The following MAF variants were observed in gnomAD, a reference collection of about 807,000 sequenced individuals.
The protein encoded by MAF is transcription factor Maf.
Under a neutral mutation model 22.0 loss-of-function variants are expected in MAF, and 10 were observed. The observed-to-expected ratio is 0.45, with a 90% CI of 0.28 to 0.77. The LOEUF is 0.77. Among genes scored for constraint, MAF ranks in the 30% least tolerant of loss-of-function variants. The pLI is 0.12. For missense variants in MAF, 544 were observed against 548.4 expected (o/e 0.99, Z 0.08); for synonymous variants, 337 against 255.8 (o/e 1.32, Z -3.03).
At chr16:79,532,063 G>C in the MAF span, among the ~76,000 whole-genome samples, 1 of 152,190 alleles carries the variant, frequency 6.6e-6, no homozygotes, top group Non-Finnish European at 1.5e-5. Context: ...GTTAGCATGA[G>C]TAGGTTCCTA....
At chr16:79,272,107 CT>C in the MAF span, among the ~76,000 whole-genome samples, 1 of 152,152 alleles carries the variant, frequency 6.6e-6, no homozygotes, top group Admixed American at 6.5e-5. Flanking sequence ...AAAAGAAAAC[CT>C]TTGCCTAGTG....
At chr16:79,553,662 G>A in the MAF span, among the ~76,000 whole-genome samples, 2 of 152,242 alleles carry the variant, frequency 1.3e-5, no homozygotes, top group Admixed American at 6.5e-5. Context: ...CCCAGGGGAA[G>A]GCTGGAAGTT....
chr16:79,578,685 T>A, the MAF span, among the ~76,000 whole-genome samples: 2 of 152,164 alleles, frequency 1.3e-5, no homozygotes, highest in Non-Finnish European at 2.9e-5. Flanking sequence ...TCCGTCCAAG[T>A]TGAAACCCAA....
At chr16:79,540,031 G>A in the MAF span, among the ~76,000 whole-genome samples, 5 of 152,174 alleles carry the variant, frequency 3.3e-5, no homozygotes, top group East Asian at 9.7e-4. Flanking sequence ...GAAGCCCACT[G>A]CTGGGAGGAG....
chr16:79,484,024 G>T, the MAF span, among the ~76,000 whole-genome samples: 1 of 152,146 alleles, frequency 6.6e-6, no homozygotes, highest in Non-Finnish European at 1.5e-5. Flanking sequence ...AAGGGATCAG[G>T]CTAGTGATAG....
At chr16:79,263,732 T>C in the MAF span, among the ~76,000 whole-genome samples, 4 of 152,336 alleles carry the variant, frequency 2.6e-5, no homozygotes, top group African/African-American at 9.6e-5. Context: ...GGTAATTAGC[T>C]TGGAGATTCA....
At chr16:79,325,801 C>T in the MAF span, among the ~76,000 whole-genome samples, 2 of 152,138 alleles carry the variant, frequency 1.3e-5, no homozygotes, top group African/African-American at 2.4e-5. Context: ...TGAGCTTAAA[C>T]CAGAAAGAGC....
the MAF span, among the ~76,000 whole-genome samples, chr16:79,415,846 G>C: frequency 1.1e-4 from 16 of 152,048 alleles, no homozygotes; most frequent in Non-Finnish European, 2.1e-4. Context: ...CAACTCTCAA[G>C]TCACAAACCC....
At chr16:79,528,788 G>A in the MAF span, among the ~76,000 whole-genome samples, 1 of 152,116 alleles carries the variant, frequency 6.6e-6, no homozygotes, top group African/African-American at 2.4e-5. Flanking sequence ...AATGAAATTG[G>A]CTGTCTTTGG....
At chr16:79,255,274 A>G in the MAF span, among the ~76,000 whole-genome samples, 1 of 152,182 alleles carries the variant, frequency 6.6e-6, no homozygotes, top group Non-Finnish European at 1.5e-5. Flanking sequence ...ATCACATCCA[A>G]TGGCTGGCTC....
the MAF span, among the ~76,000 whole-genome samples, chr16:79,287,356 C>A: frequency 1.3e-5 from 2 of 152,224 alleles, no homozygotes; most frequent in Non-Finnish European, 2.9e-5. Flanking sequence ...TTGAGAGGGT[C>A]TCATTCTGCA....
At chr16:79,354,428 G>A in the MAF span, among the ~76,000 whole-genome samples, 1 of 152,148 alleles carries the variant, frequency 6.6e-6, no homozygotes, top group Non-Finnish European at 1.5e-5. Context: ...TGGGTGACAG[G>A]CACACAGGCC....
chr16:79,314,987 A>G, the MAF span, among the ~76,000 whole-genome samples: 1 of 152,218 alleles, frequency 6.6e-6, no homozygotes, highest in Non-Finnish European at 1.5e-5. Flanking sequence ...TGCAGTATTG[A>G]GACACAGGGA....
the MAF span, among the ~76,000 whole-genome samples, chr16:79,349,211 G>C: frequency 6.6e-6 from 1 of 152,216 alleles, no homozygotes; most frequent in African/African-American, 2.4e-5. Flanking sequence ...AAGGGCAGCA[G>C]AGCTGGGACT....
At chr16:79,514,233 G>T in the MAF span, among the ~76,000 whole-genome samples, 1 of 152,186 alleles carries the variant, frequency 6.6e-6, no homozygotes, top group South Asian at 2.1e-4. Flanking sequence ...GGAGTCGCTG[G>T]GAAGGGACCT....
At chr16:79,253,654 C>G in the MAF span, among the ~76,000 whole-genome samples, 1 of 152,004 alleles carries the variant, frequency 6.6e-6, no homozygotes, top group Non-Finnish European at 1.5e-5. Context: ...ATCTTGGGCT[C>G]CACTGAGCTC....
the MAF span, among the ~76,000 whole-genome samples, chr16:79,532,366 G>C: frequency 6.6e-6 from 1 of 152,214 alleles, no homozygotes; most frequent in African/African-American, 2.4e-5. Flanking sequence ...GTTGGTTCTA[G>C]AGAAGCAGCT....
At chr16:79,496,334 C>G in the MAF span, among the ~76,000 whole-genome samples, 1 of 152,150 alleles carries the variant, frequency 6.6e-6, no homozygotes, top group Non-Finnish European at 1.5e-5. Context: ...AAATAAAAGA[C>G]TCAAAAAGGG....
the MAF span, among the ~76,000 whole-genome samples, chr16:79,562,543 A>G: frequency 6.6e-6 from 1 of 152,178 alleles, no homozygotes; most frequent in African/African-American, 2.4e-5. Context: ...TCTTTACATC[A>G]TCTACACCCT....
Sources: gnomAD v4.1 joint callset for allele counts (sites outside exome capture counted in the v4.1 genomes callset) on GRCh38, gnomAD v4.1.1 for gene constraint, MANE v1.5 for transcripts, NCBI Gene and HGNC (gene_info 2026-07-23, HGNC 2026-07-21) for gene names.